Variants in ANKRD6 observed in about 807,000 individuals in gnomAD.
ANKRD6 encodes the protein ankyrin repeat domain-containing protein 6.
ANKRD6 carries 56 observed loss-of-function variants against 82.3 expected under a neutral mutation model. That is an observed-to-expected ratio of 0.68 (90% CI 0.55 to 0.85). The LOEUF (loss-of-function observed/expected upper bound fraction) is 0.85, where lower values mean the gene tolerates loss of function less well. Ranked by LOEUF, ANKRD6 falls within the 40% of genes least tolerant of loss-of-function variation. The pLI is 0.00. For synonymous variants in ANKRD6, 347 were observed against 352.1 expected (o/e 0.99, Z 0.16); for missense variants, 852 against 907.6 (o/e 0.94, Z 0.79).
At chr6:89,557,734 G>A (rs1786809900) in intron 1 of ANKRD6, among the ~76,000 whole-genome samples, 1 of 152,114 alleles carries the variant, frequency 6.6e-6, no homozygotes, top group South Asian at 2.1e-4. Context: ...ATTTACAGCT[G>A]CTCCCCATCA....
Position 89,566,899 on chromosome 6 carries a change from C to T in ANKRD6, c.-78C>T. 1 of 1,524,914 alleles carries T rather than the reference C, an allele frequency of 6.6e-7. No individual in the cohort carries two copies. The highest frequency in any genetic ancestry group is 8.9e-7 in the Non-Finnish European group (1 of 1,127,858). 94.5% of individuals were successfully genotyped at this position (1,524,914 alleles called of 1,614,324 possible). ...TTGTGAACATCTTTACCTCTGGGTG[C>T]CAGGCCGGGCCAGTGACTTCGTGTT... On this transcript the variant is annotated 5_prime_UTR_variant, in exon 2 of 16. Transcript: ENST00000339746.
intron 5 of ANKRD6, 83 bp downstream of exon 5, chr6:89,606,188 G>A: frequency 9.2e-7 from 1 of 1,085,872 alleles, no homozygotes; most frequent in Non-Finnish European, 1.3e-6. Context: ...CCTTCTTCCA[G>A]TGAGAAGAGT....
chr6:89,459,297 C>T (rs1268401591), intron 1 of ANKRD6, among the ~76,000 whole-genome samples: 2 of 152,100 alleles, frequency 1.3e-5, no homozygotes, highest in East Asian at 1.9e-4. Flanking sequence ...AGGCTGGTCT[C>T]GAACTCCCGA....
chr6:89,434,123 G>T (rs1770322475), intron 1 of ANKRD6, among the ~76,000 whole-genome samples: 1 of 152,142 alleles, frequency 6.6e-6, no homozygotes, highest in African/African-American at 2.4e-5. Flanking sequence ...GAGCCACTTC[G>T]GGCCCGTGAG....
At position 89,630,590 on chromosome 6, in the gene ANKRD6, C is replaced by A. The variant is rs201701344; in HGVS notation, c.1770C>A (p.Asn590Lys). 1.2e-6 allele frequency: 2 copies of A among 1,613,762 alleles called. No individual in the cohort carries two copies. Among genetic ancestry groups the A allele is most frequent in the African/African-American group, 1.3e-5 (1 of 74,942 alleles). The change falls in exon 16 of 16, where the codon AAC (asparagine) becomes AAA (lysine). Residue 590 changes from asparagine to lysine, a missense_variant. Asn to Lys is a moderately conservative substitution (Grantham distance 94, BLOSUM62 0). Coordinates refer to ENST00000339746, the MANE Select transcript of ANKRD6 (RefSeq NM_001242809.2). ...SSDCTGSRLR[N>K]VKVQTALLPM... ...ACTGTACAGGCTCCCGACTGAGAAA[C>A]GTCAAGGTCCAGACAGCCTTGCTAC...
chr6:89,560,696 G>A (rs565588079), intron 1 of ANKRD6, among the ~76,000 whole-genome samples: 16 of 152,194 alleles, frequency 1.1e-4, no homozygotes, highest in South Asian at 6.2e-4. Context: ...CATGGTAGTC[G>A]TCTGTAATCC....
Position 89,593,853 on chromosome 6 carries a change from T to C in ANKRD6, c.121-2063T>C, listed in dbSNP as rs114696304. ...GGCAGGGCAGTTCTCTAGATAGAAGTTGATTCACATCAAAAAGTGTTATTT... is the reference window on the plus strand; with the variant it reads ...GGCAGGGCAGTTCTCTAGATAGAAGCTGATTCACATCAAAAAGTGTTATTT... On this transcript the variant is annotated intron_variant, in intron 2 of 15. Coordinates refer to ENST00000339746, the MANE Select transcript of ANKRD6 (RefSeq NM_001242809.2). 5.3e-3 allele frequency among the ~76,000 whole-genome samples: 807 copies of C among 152,304 alleles called. 6 individuals carry two copies. Among genetic ancestry groups the C allele is most frequent in the African/African-American group, 0.019 (774 of 41,566 alleles).
At chr6:89,552,085 A>T (rs771274809) in intron 1 of ANKRD6, among the ~76,000 whole-genome samples, 1 of 152,236 alleles carries the variant, frequency 6.6e-6, no homozygotes, top group Non-Finnish European at 1.5e-5. Flanking sequence ...GCTCATGGCT[A>T]ATCTGTGGCT....
intron 1 of ANKRD6, among the ~76,000 whole-genome samples, chr6:89,516,266 A>G (rs756337206): frequency 6.6e-6 from 1 of 152,182 alleles, no homozygotes; most frequent in Non-Finnish European, 1.5e-5. Context: ...TCCTGATGGA[A>G]CAAAAAGGCA....
intron 2 of ANKRD6, among the ~76,000 whole-genome samples, chr6:89,571,740 T>G (rs1191751858): frequency 6.6e-6 from 1 of 152,204 alleles, no homozygotes; most frequent in Non-Finnish European, 1.5e-5. Context: ...AGTGATACAT[T>G]TGTTACAACT....
chr6:89,596,597 A>C (rs1197324586), intron 3 of ANKRD6, among the ~76,000 whole-genome samples: 1 of 152,134 alleles, frequency 6.6e-6, no homozygotes. Context: ...TTATTGAGAC[A>C]TGGCCATCAA....
intron 1 of ANKRD6, among the ~76,000 whole-genome samples, chr6:89,440,311 A>G (rs1489745090): frequency 6.6e-6 from 1 of 152,230 alleles, no homozygotes; most frequent in Non-Finnish European, 1.5e-5. Context: ...GTCTTTAGCG[A>G]TGGCGAATTG....
intron 13 of ANKRD6, among the ~76,000 whole-genome samples, chr6:89,625,921 G>C (rs1264079625): frequency 6.6e-6 from 1 of 151,984 alleles, no homozygotes; most frequent in Non-Finnish European, 1.5e-5. Flanking sequence ...TTTTGGTAGA[G>C]ACGGGGTTTC....
chr6:89,524,600 A>G (rs989866954), intron 1 of ANKRD6, among the ~76,000 whole-genome samples: 2 of 152,196 alleles, frequency 1.3e-5, no homozygotes, highest in Non-Finnish European at 2.9e-5. Context: ...TGTGGTGTAT[A>G]TACCACATTT....
In ANKRD6 at chr6:89,603,098, G is replaced by T; in HGVS notation, c.289G>T (p.Glu97Ter). The T allele has an allele frequency of 6.2e-7, 1 of 1,607,004 alleles. No individual in the cohort carries two copies. The highest frequency in any genetic ancestry group is 1.3e-5 in the African/African-American group (1 of 74,928). Reference sequence around the variant, plus strand: ...GGAGATCATCGCGGCGCTCATCCACGAAGGGTGTGCCCTGGACAGACAAGA... The same window carrying T: ...GGAGATCATCGCGGCGCTCATCCACTAAGGGTGTGCCCTGGACAGACAAGA... The part of the protein sequence containing the change: ...NTEIIAALIH[E>*]GCALDRQDKD... Residue 97 changes from glutamate to a stop codon, truncating the protein, a stop_gained, in exon 4 of 16, where the codon GAA becomes TAA. Coordinates refer to ENST00000339746, the MANE Select transcript of ANKRD6 (RefSeq NM_001242809.2). LOFTEE classifies it high-confidence loss of function.
At chr6:89,538,287 C>T (rs1446499235) in intron 1 of ANKRD6, among the ~76,000 whole-genome samples, 2 of 152,132 alleles carry the variant, frequency 1.3e-5, no homozygotes, top group African/African-American at 2.4e-5. Flanking sequence ...TCTTTTACAG[C>T]AGAGCTTCTC....
At chr6:89,471,939 C>CAAAAAAAA (rs749607605) in intron 1 of ANKRD6, among the ~76,000 whole-genome samples, 1 of 52,604 alleles carries the variant, frequency 1.9e-5, no homozygotes, top group Admixed American at 2.6e-4. Context: ...AACTCCATCT[C>CAAAAAAAA]AAAAAAAAAA....
chr6:89,497,447 T>C (rs1778755747), intron 1 of ANKRD6, among the ~76,000 whole-genome samples: 1 of 152,174 alleles, frequency 6.6e-6, no homozygotes, highest in Non-Finnish European at 1.5e-5. Flanking sequence ...CTGTTTCCTT[T>C]TTTCTTTTTC....
At chr6:89,609,434 T>G (rs1202758310) in intron 5 of ANKRD6, among the ~76,000 whole-genome samples, 1 of 151,938 alleles carries the variant, frequency 6.6e-6, no homozygotes, top group Non-Finnish European at 1.5e-5. Context: ...CCCGAGTAGC[T>G]GGGATTACAG....
Sources: gnomAD v4.1 joint callset for allele counts (sites outside exome capture counted in the v4.1 genomes callset) on GRCh38, gnomAD v4.1.1 for gene constraint, MANE v1.5 for transcripts, NCBI Gene and HGNC (gene_info 2026-07-23, HGNC 2026-07-21) for gene names.